Variants in PHACTR1 observed in about 807,000 individuals in gnomAD.
PHACTR1 encodes the protein RPEL repeat containing 1.
Under a neutral mutation model 69.2 loss-of-function variants are expected in PHACTR1, and 16 were observed. The ratio of observed to expected loss-of-function variants is 0.23; its 90% confidence interval spans 0.16 to 0.35. PHACTR1 has a LOEUF of 0.35. Among genes scored for constraint, PHACTR1 ranks in the 10% least tolerant of loss-of-function variants. PHACTR1 has a pLI of 1.00. For synonymous variants in PHACTR1, 312 were observed against 284.5 expected (o/e 1.10, Z -0.97); for missense variants, 510 against 734.7 (o/e 0.69, Z 3.54).
At chr6:12,769,781 T>A (rs1488627175) in intron 4 of PHACTR1, among the ~76,000 whole-genome samples, 2 of 152,194 alleles carry the variant, frequency 1.3e-5, no homozygotes, top group African/African-American at 4.8e-5. Context: ...GTGAGATCCC[T>A]CTGTGAGGCG....
intron 4 of PHACTR1, among the ~76,000 whole-genome samples, chr6:13,017,965 T>C (rs941387377): frequency 2.0e-5 from 3 of 152,242 alleles, no homozygotes; most frequent in Non-Finnish European, 4.4e-5. Flanking sequence ...TTACTATATA[T>C]GATTCCTATT....
At chr6:12,893,130 A>G (rs1002926939) in intron 4 of PHACTR1, among the ~76,000 whole-genome samples, 4 of 152,234 alleles carry the variant, frequency 2.6e-5, no homozygotes, top group African/African-American at 9.6e-5. Context: ...GTGCTGGGCC[A>G]TGTGAGACAC....
chr6:12,905,812 G>A (rs1785662726), intron 4 of PHACTR1, among the ~76,000 whole-genome samples: 1 of 152,176 alleles, frequency 6.6e-6, no homozygotes, highest in African/African-American at 2.4e-5. Context: ...CATTTAAGAT[G>A]ATATTAGGAT....
chr6:12,812,610 C>T (rs1581868691), intron 4 of PHACTR1, among the ~76,000 whole-genome samples: 1 of 152,212 alleles, frequency 6.6e-6, no homozygotes, highest in Admixed American at 6.5e-5. Flanking sequence ...TCAGAAAGCT[C>T]GTGAACGCCC....
At chr6:13,157,034 T>G (rs1163858111) in intron 5 of PHACTR1, among the ~76,000 whole-genome samples, 2 of 152,218 alleles carry the variant, frequency 1.3e-5, no homozygotes. Flanking sequence ...AGCTGTTCAT[T>G]TCTTCCCATT....
At chr6:13,197,692 A>G (rs1049809891) in intron 7 of PHACTR1, among the ~76,000 whole-genome samples, 3 of 152,166 alleles carry the variant, frequency 2.0e-5, no homozygotes, top group Non-Finnish European at 4.4e-5. Context: ...GCTATCCCTC[A>G]AGGATCTAGA....
At chr6:12,969,135 A>G (rs1793859779) in intron 4 of PHACTR1, among the ~76,000 whole-genome samples, 1 of 152,148 alleles carries the variant, frequency 6.6e-6, no homozygotes. Flanking sequence ...TCTGGGTGGG[A>G]CTTGGGCATA....
intron 10 of PHACTR1, among the ~76,000 whole-genome samples, chr6:13,241,429 C>T (rs915234612): frequency 1.3e-5 from 2 of 152,072 alleles, no homozygotes; most frequent in Non-Finnish European, 2.9e-5. Context: ...TGGGAGGTGG[C>T]GTGCAGGAAT....
intron 5 of PHACTR1, among the ~76,000 whole-genome samples, chr6:13,101,978 G>A (rs1004717042): frequency 2.6e-5 from 4 of 152,158 alleles, no homozygotes; most frequent in African/African-American, 9.7e-5. Context: ...ATACCACTAG[G>A]TTTCAAAGAG....
At chr6:13,131,830 A>C (rs1820515809) in intron 5 of PHACTR1, among the ~76,000 whole-genome samples, 1 of 152,224 alleles carries the variant, frequency 6.6e-6, no homozygotes. Flanking sequence ...TACCTCAAAC[A>C]CAAACATAAC....
rs771963159 is a variant in PHACTR1 at position 12,925,382 on chromosome 6, G to A, written c.251-127983G>A. Reference sequence around the variant, plus strand: ...TATTTTGGACCCTGTTCATCATCTCGTTAAACCTAAGAACACTCTTTCATA... The same window carrying A: ...TATTTTGGACCCTGTTCATCATCTCATTAAACCTAAGAACACTCTTTCATA... On this transcript the variant is annotated intron_variant, in intron 4 of 14. Transcript: ENST00000332995. Among the ~76,000 whole-genome samples the A allele has an allele frequency of 4.6e-5, 7 of 152,100 alleles. No individual in the cohort carries two copies. In the East Asian group the frequency reaches 9.7e-4, roughly 21 times the overall value.
intron 5 of PHACTR1, among the ~76,000 whole-genome samples, chr6:13,092,287 T>G (rs1813415147): frequency 6.6e-6 from 1 of 152,332 alleles, no homozygotes; most frequent in South Asian, 2.1e-4. Context: ...TGGGGACCCC[T>G]GGCTTAGGGC....
intron 4 of PHACTR1, among the ~76,000 whole-genome samples, chr6:12,908,867 G>T (rs887660650): frequency 2.0e-5 from 3 of 152,292 alleles, no homozygotes; most frequent in Admixed American, 6.5e-5. Flanking sequence ...GACAACATGA[G>T]AACCGCTTTC....
chr6:13,195,943 G>C (rs1764346538), intron 7 of PHACTR1, among the ~76,000 whole-genome samples: 1 of 152,034 alleles, frequency 6.6e-6, no homozygotes, highest in African/African-American at 2.4e-5. Flanking sequence ...TGTCAGGTTT[G>C]GAAATACAGC....
intron 6 of PHACTR1, among the ~76,000 whole-genome samples, chr6:13,177,171 C>T (rs144432603): frequency 2.4e-5 from 1 of 42,188 alleles, no homozygotes; most frequent in African/African-American, 1.4e-4. Context: ...GACCCCATCT[C>T]TAAAAAAAAA....
intron 5 of PHACTR1, among the ~76,000 whole-genome samples, chr6:13,101,171 G>C (rs1271223002): frequency 2.0e-5 from 3 of 152,222 alleles, no homozygotes; most frequent in African/African-American, 7.2e-5. Context: ...CAAGAGCATA[G>C]TGCTGGCATC....
At chr6:12,755,181 T>C (rs1049718956) in intron 4 of PHACTR1, among the ~76,000 whole-genome samples, 14 of 152,326 alleles carry the variant, frequency 9.2e-5, no homozygotes, top group African/African-American at 3.4e-4. Flanking sequence ...CATGGTAAAT[T>C]ACTTTTTTGG....
At chr6:13,030,515 G>A (rs1039585783) in intron 4 of PHACTR1, among the ~76,000 whole-genome samples, 1 of 152,124 alleles carries the variant, frequency 6.6e-6, no homozygotes, top group African/African-American at 2.4e-5. Context: ...GTACATAAAC[G>A]GTTTAGTTTT....
chr6:12,934,660 A>T (rs1178777249), intron 4 of PHACTR1, among the ~76,000 whole-genome samples: 1 of 151,966 alleles, frequency 6.6e-6, no homozygotes, highest in Non-Finnish European at 1.5e-5. Flanking sequence ...ATATGGTGAA[A>T]CCCCGTCTCT....
Sources: allele counts gnomAD v4.1 joint callset (sites outside exome capture counted in the v4.1 genomes callset), GRCh38; gene constraint gnomAD v4.1.1; transcripts MANE v1.5; gene names NCBI Gene and HGNC (gene_info 2026-07-23, HGNC 2026-07-21).